DCC: variants seen among roughly 807,000 people sequenced by gnomAD.
The protein encoded by DCC is DCC netrin 1 receptor.
Under a neutral mutation model 172.5 loss-of-function variants are expected in DCC, and 58 were observed. The observed-to-expected ratio is 0.34, with a 90% CI of 0.27 to 0.42. The LOEUF (loss-of-function observed/expected upper bound fraction) is 0.42, where lower values mean the gene tolerates loss of function less well. Among genes scored for constraint, DCC ranks in the 10% least tolerant of loss-of-function variants. The pLI is 1.00. For synonymous variants in DCC, 709 were observed against 644.5 expected (o/e 1.10, Z -1.52); for missense variants, 1,740 against 1,791.0 (o/e 0.97, Z 0.51).
At chr18:53,163,047 C>T (rs892404421) in intron 8 of DCC, among the ~76,000 whole-genome samples, 4 of 152,220 alleles carry the variant, frequency 2.6e-5, no homozygotes, top group African/African-American at 9.6e-5. Context: ...CTTTATCTCA[C>T]CCCTTCATTT....
At chr18:53,038,380 T>C (rs1461512147) in intron 5 of DCC, among the ~76,000 whole-genome samples, 2 of 151,950 alleles carry the variant, frequency 1.3e-5, no homozygotes, top group Admixed American at 1.3e-4. Flanking sequence ...GACAGCACTA[T>C]TCTTATCATC....
At position 52,950,541 on chromosome 18, in the gene DCC, GC is replaced by G. The variant is rs1378245831; in HGVS notation, c.985+25173del. 2.0e-5 allele frequency among the ~76,000 whole-genome samples: 3 copies of G among 152,134 alleles called. No individual in the cohort carries two copies. In the East Asian group the frequency reaches 5.8e-4, roughly 29 times the overall value. ...AAGATATTTAAGTCAAATCAATGTG[GC>G]CAGGCCATTTAACTCACCAAGAGAG... is the stretch of plus-strand genomic sequence containing the variant. On this transcript the variant is annotated intron_variant, in intron 5 of 28. Coordinates refer to ENST00000442544, the MANE Select transcript of DCC (RefSeq NM_005215.4).
chr18:52,910,755 A>T (rs2039960298), intron 3 of DCC, among the ~76,000 whole-genome samples: 1 of 152,154 alleles, frequency 6.6e-6, no homozygotes, highest in African/African-American at 2.4e-5. Context: ...AATTGAATTG[A>T]TCAATTGGTA....
At chr18:53,379,156 G>A (rs1907536129) in intron 15 of DCC, among the ~76,000 whole-genome samples, 1 of 152,240 alleles carries the variant, frequency 6.6e-6, no homozygotes, top group Non-Finnish European at 1.5e-5. Flanking sequence ...TTCTGTGAAT[G>A]TGGAAGCCCT....
intron 5 of DCC, among the ~76,000 whole-genome samples, chr18:53,058,037 A>G (rs1314748949): frequency 6.6e-6 from 1 of 152,112 alleles, no homozygotes; most frequent in African/African-American, 2.4e-5. Context: ...TTCTTGGAGA[A>G]TAAATAGAAC....
intron 1 of DCC, among the ~76,000 whole-genome samples, chr18:52,375,925 G>T (rs563704002): frequency 6.6e-6 from 1 of 152,186 alleles, no homozygotes; most frequent in Non-Finnish European, 1.5e-5. Context: ...AAATGGTAAA[G>T]ACTGGTAGTC....
intron 1 of DCC, among the ~76,000 whole-genome samples, chr18:52,470,920 T>A (rs962333460): frequency 2.0e-5 from 3 of 152,220 alleles, no homozygotes; most frequent in Non-Finnish European, 4.4e-5. Context: ...CAGATAGGCA[T>A]AATCTGCTGT....
Position 52,641,787 on chromosome 18 carries a change from C to T in DCC, c.92-110267C>T, listed in dbSNP as rs1281056252. On this transcript the variant is annotated intron_variant, in intron 1 of 28. Transcript: ENST00000442544. ...TGGTGGGAATGTAAACTAGCACAGC[C>T]GCCATGGAAAACAGTGTGGAGGTTC... 2.1e-4 allele frequency among the ~76,000 whole-genome samples: 32 copies of T among 151,992 alleles called. 1 individual carries two copies. Among genetic ancestry groups the T allele is most frequent in the Admixed American group, 6.5e-5 (1 of 15,278 alleles).
chr18:52,694,866 A>G (rs1225604474), intron 1 of DCC, among the ~76,000 whole-genome samples: 1 of 152,224 alleles, frequency 6.6e-6, no homozygotes, highest in Non-Finnish European at 1.5e-5. Flanking sequence ...GTAACACTGT[A>G]TAATTCTACT....
At chr18:52,872,936 C>T (rs1162312131) in intron 2 of DCC, among the ~76,000 whole-genome samples, 1 of 152,106 alleles carries the variant, frequency 6.6e-6, no homozygotes, top group Non-Finnish European at 1.5e-5. Context: ...AAAAAATAAG[C>T]TATTACATTT....
chr18:52,625,465 A>G (rs1038635752), intron 1 of DCC, among the ~76,000 whole-genome samples: 3 of 152,094 alleles, frequency 2.0e-5, no homozygotes, highest in African/African-American at 4.8e-5. Context: ...ATTGGGGTCA[A>G]TCTTTCATTT....
At chr18:52,354,895 A>G (rs1206965820) in intron 1 of DCC, among the ~76,000 whole-genome samples, 1 of 152,104 alleles carries the variant, frequency 6.6e-6, no homozygotes, top group African/African-American at 2.4e-5. Context: ...TGTTATTGGC[A>G]GCATTTCAGA....
intron 5 of DCC, among the ~76,000 whole-genome samples, chr18:52,989,320 C>G (rs2041345033): frequency 6.6e-6 from 1 of 152,074 alleles, no homozygotes; most frequent in South Asian, 2.1e-4. Flanking sequence ...GTCAGGAGTT[C>G]AAGACCAGTC....
chr18:53,173,331 G>A (rs1187417525), intron 8 of DCC, among the ~76,000 whole-genome samples: 2 of 151,716 alleles, frequency 1.3e-5, no homozygotes, highest in Admixed American at 6.6e-5. Flanking sequence ...CTAAACCTCA[G>A]GCTATATCCA....
At chr18:53,425,346 G>A (rs141978968) in intron 21 of DCC, among the ~76,000 whole-genome samples, 304 of 125,396 alleles carry the variant, frequency 2.4e-3, no homozygotes, top group African/African-American at 7.8e-3. Context: ...AATTTTCCCC[G>A]TTTCTCCTCT....
chr18:53,483,077 C>A (rs1249472821), intron 25 of DCC, among the ~76,000 whole-genome samples: 1 of 151,876 alleles, frequency 6.6e-6, no homozygotes, highest in Non-Finnish European at 1.5e-5. Flanking sequence ...GTATCTCTAG[C>A]ACTGTCCTAG....
At chr18:52,542,830 A>C (rs1043759814) in intron 1 of DCC, among the ~76,000 whole-genome samples, 1 of 151,922 alleles carries the variant, frequency 6.6e-6, no homozygotes, top group Non-Finnish European at 1.5e-5. Flanking sequence ...CAAGGGTGAA[A>C]CTCCATCTAA....
chr18:53,227,442 T>C (rs953767790), intron 12 of DCC, among the ~76,000 whole-genome samples: 28 of 152,176 alleles, frequency 1.8e-4, no homozygotes, highest in African/African-American at 6.5e-4. Flanking sequence ...TAGAAAATGA[T>C]AGCCTCCATT....
intron 8 of DCC, among the ~76,000 whole-genome samples, chr18:53,178,249 A>C (rs2055139065): frequency 6.6e-6 from 1 of 152,350 alleles, no homozygotes; most frequent in Middle Eastern, 3.4e-3. Flanking sequence ...GTCATCTCTT[A>C]ATACGCACTA....
Sources: gnomAD v4.1 joint callset for allele counts (sites outside exome capture counted in the v4.1 genomes callset) on GRCh38, gnomAD v4.1.1 for gene constraint, MANE v1.5 for transcripts, NCBI Gene and HGNC (gene_info 2026-07-23, HGNC 2026-07-21) for gene names.